DERA: variants seen among roughly 807,000 people sequenced by gnomAD.
The protein encoded by DERA is 2-deoxy-D-ribose 5-phosphate aldolase.
In DERA, 15 loss-of-function variants were observed where a neutral mutation model predicts 41.1. The ratio of observed to expected loss-of-function variants is 0.37; its 90% CI spans 0.24 to 0.56. The LOEUF is 0.56. Among genes scored for constraint, DERA ranks in the 20% least tolerant of loss-of-function variants. DERA has a pLI of 0.81. For missense variants in DERA, 396 were observed against 403.4 expected (o/e 0.98, Z 0.16); for synonymous variants, 139 against 137.4 (o/e 1.01, Z -0.08).
chr12:15,930,094 G>C (rs1948316502), intron 1 of DERA, among the ~76,000 whole-genome samples: 1 of 152,192 alleles, frequency 6.6e-6, no homozygotes. Flanking sequence ...TTGGCGTGGT[G>C]CCTAGAATAT....
chr12:15,983,162 C>T lies in DERA; in HGVS notation c.637+726C>T, dbSNP rs1337973251. Among the ~76,000 whole-genome samples, 1 of 152,226 alleles carries T rather than the reference C, an allele frequency of 6.6e-6. No individual in the cohort carries two copies. The highest frequency in any genetic ancestry group is 1.5e-5 in the Non-Finnish European group (1 of 68,036). ...TGTCTTCCTGACTTTTGTTCCCCTC[C>T]AATCTGTTCTCCACACTGTCACCAC... is the stretch of plus-strand genomic sequence containing the variant. On this transcript the variant is annotated intron_variant, in intron 6 of 8. Transcript: ENST00000428559. This position sits in a 1 kb window ranked among gnomAD's most constrained non-coding sequence, Gnocchi z 6.2.
intron 7 of DERA, among the ~76,000 whole-genome samples, chr12:16,034,336 A>C (rs1005931877): frequency 3.3e-5 from 5 of 152,348 alleles, no homozygotes; most frequent in Admixed American, 6.5e-5. Context: ...CAAGCAAAGA[A>C]TGTCAATGAA....
At chr12:15,950,223 C>G (rs963055772) in intron 1 of DERA, among the ~76,000 whole-genome samples, 3 of 152,136 alleles carry the variant, frequency 2.0e-5, no homozygotes, top group African/African-American at 4.8e-5. Context: ...ACAGAGCAGC[C>G]CTGAGGGCTT....
At chr12:15,923,039 T>C (rs1948255947) in intron 1 of DERA, among the ~76,000 whole-genome samples, 1 of 141,326 alleles carries the variant, frequency 7.1e-6, no homozygotes, top group South Asian at 2.2e-4. Flanking sequence ...TTTTTTTTTT[T>C]TGAGACGGAG....
chr12:15,992,222 AAGAT>A lies in DERA; in HGVS notation c.637+9790_637+9793del, dbSNP rs1443981319. Among the ~76,000 whole-genome samples, 2 of 152,188 alleles carry A rather than the reference AAGAT, an allele frequency of 1.3e-5. No individual in the cohort carries two copies. The highest frequency in any genetic ancestry group is 2.9e-5 in the Non-Finnish European group (2 of 67,994). On this transcript the variant is annotated intron_variant, in intron 6 of 8. Transcript: ENST00000428559. The surrounding 1 kb of genome is among the most constrained non-coding windows in gnomAD (Gnocchi z 4.3). ...CAATGAATGAGTGAAAGAGAGAAAAAAGATAGAGATAAGGAAAAGTGAAAAGAAG... is the reference window on the plus strand; with the variant it reads ...CAATGAATGAGTGAAAGAGAGAAAAAAGAGATAAGGAAAAGTGAAAAGAAG...
chr12:15,944,159 T>C (rs1948429277), intron 1 of DERA, among the ~76,000 whole-genome samples: 1 of 152,126 alleles, frequency 6.6e-6, no homozygotes, highest in Non-Finnish European at 1.5e-5. Flanking sequence ...TCCAAGTCTT[T>C]GCTTTTGTGA....
At chr12:15,944,791 T>G (rs548275140) in intron 1 of DERA, among the ~76,000 whole-genome samples, 2,480 of 152,338 alleles carry the variant, frequency 0.016, 75 homozygotes, top group African/African-American at 0.057. Flanking sequence ...GTTTTAGACA[T>G]GAAGTCCTTG....
intron 1 of DERA, among the ~76,000 whole-genome samples, chr12:15,953,873 G>A (rs866968380): frequency 6.6e-6 from 1 of 152,164 alleles, no homozygotes; most frequent in African/African-American, 2.4e-5. Flanking sequence ...CTAATAAAAC[G>A]AGATAGTCAC....
intron 1 of DERA, among the ~76,000 whole-genome samples, chr12:15,923,407 A>G (rs903289219): frequency 9.9e-5 from 15 of 152,156 alleles, no homozygotes; most frequent in African/African-American, 3.6e-4. Flanking sequence ...ATTCCTTAAA[A>G]TGACCATTTG....
intron 1 of DERA, among the ~76,000 whole-genome samples, chr12:15,929,940 A>T (rs973369253): frequency 1.3e-5 from 2 of 152,080 alleles, no homozygotes; most frequent in African/African-American, 4.8e-5. Context: ...TTGAAAAGAG[A>T]TTGGACTTTC....
rs922838549 is a variant in DERA, at chr12:16,012,916, A to G, written c.638-19626A>G. Among the ~76,000 whole-genome samples the G allele has an allele frequency of 1.3e-5, 2 of 152,204 alleles. No individual in the cohort carries two copies. Among genetic ancestry groups the G allele is most frequent in the East Asian group, 3.9e-4 (2 of 5,194 alleles). Reference sequence around the variant, plus strand: ...GTGAATATAAAAATTATTGAGATTTATTACATTGTATTTTTTTGTATTAGT... The same window carrying G: ...GTGAATATAAAAATTATTGAGATTTGTTACATTGTATTTTTTTGTATTAGT... On this transcript the variant is annotated intron_variant, in intron 6 of 8. Transcript: ENST00000428559. The surrounding 1 kb of genome is among the most constrained non-coding windows in gnomAD (Gnocchi z 4.1).
intron 6 of DERA, among the ~76,000 whole-genome samples, chr12:16,032,198 C>T (rs895804332): frequency 2.6e-5 from 4 of 151,984 alleles, no homozygotes; most frequent in East Asian, 1.9e-4. Context: ...TAAAATGTTA[C>T]GATGTATAAT....
At chr12:15,939,283 A>C (rs1219110942) in intron 1 of DERA, among the ~76,000 whole-genome samples, 1 of 152,180 alleles carries the variant, frequency 6.6e-6, no homozygotes, top group African/African-American at 2.4e-5. Flanking sequence ...GTTTAGCCAC[A>C]CAAGAGATCT....
At position 15,972,395 on chromosome 12, in the gene DERA, C is replaced by T. The variant is rs1321249290; in HGVS notation, c.508+9448C>T. The T allele has an allele frequency of 1.3e-5, 2 of 153,024 alleles. No individual in the cohort carries two copies. The highest frequency in any genetic ancestry group is 2.4e-5 in the African/African-American group (1 of 41,442). 9.5% of individuals were successfully genotyped at this position (153,024 alleles called of 1,614,324 possible). A position where few individuals can be genotyped will look rare whatever the true frequency, so the allele number is the denominator to read the frequency against. ...GGTGAACTGATCACCCCACAGTTCA[C>T]CCTTTAGAGACACTGCACACATCCC... is the stretch of plus-strand genomic sequence containing the variant. On this transcript the variant is annotated intron_variant, in intron 5 of 8. Transcript: ENST00000428559. The surrounding 1 kb of genome is among the most constrained non-coding windows in gnomAD (Gnocchi z 4.4).
At chr12:15,955,169 G>A (rs1257296377) in intron 1 of DERA, among the ~76,000 whole-genome samples, 10 of 152,122 alleles carry the variant, frequency 6.6e-5, no homozygotes, top group East Asian at 1.9e-4. Flanking sequence ...GCGTGGTGGC[G>A]CACGCCTGTA....
intron 3 of DERA, 111 bp downstream of exon 3, chr12:15,958,446 A>T (rs1948557894): frequency 6.5e-6 from 5 of 770,502 alleles, no homozygotes; most frequent in Non-Finnish European, 9.4e-6. Context: ...AGAATCCATG[A>T]TAGAAACTCT....
rs1368319466 is a variant in DERA at position 15,921,310 on chromosome 12, C to A, written c.31+9896C>A. 1.3e-5 allele frequency among the ~76,000 whole-genome samples: 2 copies of A among 151,774 alleles called. No homozygotes were observed. Among genetic ancestry groups the A allele is most frequent in the East Asian group, 3.9e-4 (2 of 5,172 alleles). On this transcript the variant is annotated intron_variant, in intron 1 of 8. Transcript: ENST00000428559. This position sits in a 1 kb window ranked among gnomAD's most constrained non-coding sequence, Gnocchi z 5.3. Reference sequence around the variant, plus strand: ...TTAGTGGAAGGATATAATCAGTGTTCTTGATGATTTTGGAAATTGACATAA... The same window carrying A: ...TTAGTGGAAGGATATAATCAGTGTTATTGATGATTTTGGAAATTGACATAA...
chr12:15,942,522 G>C (rs150037542), intron 1 of DERA, among the ~76,000 whole-genome samples: 47 of 152,236 alleles, frequency 3.1e-4, no homozygotes, highest in African/African-American at 1.1e-3. Flanking sequence ...CATCTGTCTT[G>C]AGATGATTTT....
chr12:15,973,328 G>A (rs1340286964), intron 5 of DERA, among the ~76,000 whole-genome samples: 1 of 146,366 alleles, frequency 6.8e-6, no homozygotes, highest in East Asian at 2.0e-4. Flanking sequence ...CACTATGCCA[G>A]CCACTTCTCT....
Sources: allele counts gnomAD v4.1 joint callset (sites outside exome capture counted in the v4.1 genomes callset), GRCh38; gene constraint gnomAD v4.1.1; non-coding constraint Gnocchi (gnomAD v3.1); transcripts MANE v1.5; gene names NCBI Gene and HGNC (gene_info 2026-07-23, HGNC 2026-07-21).